Variants in UGT1A3 observed in about 807,000 individuals in gnomAD.
The protein encoded by UGT1A3 is UDP glucuronosyltransferase family 1 member A3, also known as UDP-glucuronosyltransferase 1A3.
UGT1A3 carries 31 observed loss-of-function variants against 41.0 expected under a neutral mutation model. The observed-to-expected ratio is 0.76, with a 90% CI of 0.57 to 1.02. UGT1A3 has a LOEUF of 1.02. Ranked by LOEUF, UGT1A3 falls within the 50% of genes least tolerant of loss-of-function variation. The pLI is 0.00. For synonymous variants in UGT1A3, 262 were observed against 257.6 expected (o/e 1.02, Z -0.17); for missense variants, 737 against 671.0 (o/e 1.10, Z -1.09).
intron 1 of UGT1A3, among the ~76,000 whole-genome samples, chr2:233,730,912 AG>A (rs1229657899): frequency 1.3e-5 from 2 of 152,192 alleles, no homozygotes; most frequent in East Asian, 3.9e-4. Context: ...CAAAAATTTC[AG>A]AGGCAGCTTT....
At chr2:233,744,781 G>A (rs1479146007) in intron 1 of UGT1A3, among the ~76,000 whole-genome samples, 1 of 151,856 alleles carries the variant, frequency 6.6e-6, no homozygotes, top group Non-Finnish European at 1.5e-5. Context: ...AAATTCTCCT[G>A]AAAAATTCTT....
intron 1 of UGT1A3, among the ~76,000 whole-genome samples, chr2:233,763,176 T>C (rs1474049260): frequency 6.6e-6 from 1 of 152,268 alleles, no homozygotes; most frequent in Admixed American, 6.5e-5. Context: ...GTTGACTACA[T>C]ATTTGTTGTT....
At chr2:233,766,879 G>A (rs1237814699) in intron 1 of UGT1A3, among the ~76,000 whole-genome samples, 155 bp from the exon 2 acceptor site, 1 of 152,170 alleles carries the variant, frequency 6.6e-6, no homozygotes, top group Non-Finnish European at 1.5e-5. Context: ...GGAAAATGCT[G>A]TAAAACTTAC....
Position 233,757,535 on chromosome 2 carries a change from A to AATATATATATATATATATAT in UGT1A3, c.868-9492_868-9473dup, listed in dbSNP as rs67292694. Among the ~76,000 whole-genome samples the AATATATATATATATATATAT allele has an allele frequency of 6.1e-3, 541 of 88,064 alleles. 3 individuals are homozygous for AATATATATATATATATATAT. The highest frequency in any genetic ancestry group is 0.013 in the East Asian group (47 of 3,574). The allele number at this position is 88,064 out of a possible 152,430, so 57.8% of individuals were successfully genotyped here. On this transcript the variant is annotated intron_variant, in intron 1 of 4. Coordinates refer to ENST00000482026, the MANE Select transcript of UGT1A3 (RefSeq NM_019093.4). ...CAAAGCCAAAATCTTGCCTGTAAGG[A>AATATATATATATATATATAT]ATATATATATATATATATATATATA...
chr2:233,748,947 C>T (rs900612588), intron 1 of UGT1A3, among the ~76,000 whole-genome samples: 1 of 151,662 alleles, frequency 6.6e-6, no homozygotes. Context: ...CCCACCCTAT[C>T]CCACTCCAAG....
intron 1 of UGT1A3, among the ~76,000 whole-genome samples, chr2:233,766,144 C>T (rs2126022792): frequency 6.6e-6 from 1 of 152,268 alleles, no homozygotes; most frequent in South Asian, 2.1e-4. Flanking sequence ...TCGAATCCCA[C>T]CTGGGCTTGG....
chr2:233,772,619 A>G lies in UGT1A3; in HGVS notation c.*60A>G. ...ATTCCCTAGTCATTTCCAAACTTGAAAACAGAATCAGTGTTAAATTCATTT... is the reference window on the plus strand; with the variant it reads ...ATTCCCTAGTCATTTCCAAACTTGAGAACAGAATCAGTGTTAAATTCATTT... On this transcript the variant is annotated 3_prime_UTR_variant, in exon 5 of 5. Coordinates refer to ENST00000482026, the MANE Select transcript of UGT1A3 (RefSeq NM_019093.4). The G allele has an allele frequency of 1.3e-6, 2 of 1,569,672 alleles. No homozygotes were observed. The highest frequency in any genetic ancestry group is 1.7e-6 in the Non-Finnish European group (2 of 1,156,572).
intron 1 of UGT1A3, chr2:233,747,755 C>T: frequency 6.2e-7 from 1 of 1,613,468 alleles, no homozygotes; most frequent in Non-Finnish European, 8.5e-7. Context: ...GTGATTTAGA[C>T]TTTAAGGGCA....
At position 233,729,358 on chromosome 2, in the gene UGT1A3, A is replaced by T; in HGVS notation, c.232A>T (p.Thr78Ser). 1.9e-6 allele frequency: 3 copies of T among 1,614,176 alleles called. No individual in the cohort carries two copies. Among genetic ancestry groups the T allele is most frequent in the East Asian group, 4.5e-5 (2 of 44,886 alleles). The change falls in exon 1 of 5, where the codon ACA (threonine) becomes TCA (serine). Residue 78 changes from threonine (T) to serine (S), a missense_variant. Physicochemically the swap from Thr to Ser is moderately conservative, Grantham distance 58. Coordinates refer to ENST00000482026, the MANE Select transcript of UGT1A3 (RefSeq NM_019093.4). ...CAAAGAAGAGAACTTTTTCACCCTG[A>T]CAACCTATGCCATTTCGTGGACCCA... ...HIKEENFFTL[T>S]TYAISWTQDE...
In UGT1A3 at chr2:233,767,159, T is replaced by G. The variant is rs1291449017; in HGVS notation, c.993T>G (p.Pro331=). 1.2e-6 allele frequency: 2 copies of G among 1,613,988 alleles called. No homozygotes were observed. Among genetic ancestry groups the G allele is most frequent in the East Asian group, 4.5e-5 (2 of 44,876 alleles). ...TTGCTGATGCTTTGGGCAAAATCCCTCAGACAGTAAGAAGATTCTATACCA... is the reference window on the plus strand; with the variant it reads ...TTGCTGATGCTTTGGGCAAAATCCCGCAGACAGTAAGAAGATTCTATACCA... ...MAIADALGKI[P]QTVLWRYTGT... Residue 331 remains proline (P), a synonymous_variant, in exon 2 of 5, where the codon CCT becomes CCG. Coordinates refer to ENST00000482026, the MANE Select transcript of UGT1A3 (RefSeq NM_019093.4).
intron 1 of UGT1A3, chr2:233,750,715 C>G (rs1487132434): frequency 6.6e-6 from 1 of 151,920 alleles, no homozygotes; most frequent in Non-Finnish European, 1.5e-5. Context: ...AGAGCTCAGG[C>G]CATTGCTTCA....
chr2:233,769,603 GA>G lies in UGT1A3; in HGVS notation c.1307+1165del. 1 of 1,612,818 alleles carries G rather than the reference GA, an allele frequency of 6.2e-7. No individual in the cohort carries two copies. The highest frequency in any genetic ancestry group is 1.1e-5 in the South Asian group (1 of 91,040). On this transcript the variant is annotated intron_variant, in intron 4 of 4. Transcript: ENST00000482026. This position sits in a 1 kb window ranked among gnomAD's most constrained non-coding sequence, Gnocchi z 4.4. ...CAGATGAGAGGAGACGGAACACGGG[GA>G]CACACCAGCTTGAGCAAGGGACAAC...
chr2:233,766,905 T>C, intron 1 of UGT1A3, 129 bp from the exon 2 acceptor site: 15 of 1,501,130 alleles, frequency 1.0e-5, no homozygotes, highest in Non-Finnish European at 1.2e-5. Flanking sequence ...AATAATTTTT[T>C]ACTCTATCTC....
At chr2:233,765,730 T>TAATAAA (rs1427774434) in intron 1 of UGT1A3, among the ~76,000 whole-genome samples, 195 of 150,280 alleles carry the variant, frequency 1.3e-3, no homozygotes, top group Admixed American at 3.5e-3. Context: ...ATAATAATAA[T>TAATAAA]AAATAAACCC....
chr2:233,754,758 C>T (rs1438461710), intron 1 of UGT1A3: 1 of 879,896 alleles, frequency 1.1e-6, no homozygotes, highest in Non-Finnish European at 1.7e-6. Context: ...GGAAGAAAGG[C>T]CCCCACTTCC....
chr2:233,762,816 G>T (rs28946889), intron 1 of UGT1A3, among the ~76,000 whole-genome samples: 30,774 of 150,410 alleles, frequency 0.2, 3,870 homozygotes, highest in East Asian at 0.45. Flanking sequence ...TCAAAATATT[G>T]ATTTTCATAA....
At chr2:233,763,131 T>C (rs1039292285) in intron 1 of UGT1A3, among the ~76,000 whole-genome samples, 1 of 152,268 alleles carries the variant, frequency 6.6e-6, no homozygotes, top group African/African-American at 2.4e-5. Flanking sequence ...CTGGCATTTA[T>C]TGATATAACC....
rs751408172 is a variant in UGT1A3, at chr2:233,768,227, G to C, written c.1095G>C (p.Pro365=). Residue 365 remains proline, a synonymous_variant, in exon 4 of 5, where the codon CCG becomes CCC. Coordinates refer to ENST00000482026, the MANE Select transcript of UGT1A3 (RefSeq NM_019093.4). ...CCCTATTTTGCATCTCAGGTCACCCGATGACCCGTGCCTTTATCACCCATG... is the reference window on the plus strand; with the variant it reads ...CCCTATTTTGCATCTCAGGTCACCCCATGACCCGTGCCTTTATCACCCATG... ...WLPQNDLLGH[P]MTRAFITHAG... The C allele has an allele frequency of 5.0e-6, 8 of 1,614,014 alleles. No homozygotes were observed. The African/African-American group carries it at 8.0e-5, about 16-fold the overall frequency.
At chr2:233,755,053 C>CCCTCG (rs778721180) in intron 1 of UGT1A3, 9 of 1,332,572 alleles carry the variant, frequency 6.8e-6, no homozygotes, top group Non-Finnish European at 6.1e-6. Flanking sequence ...CCGCCCTCCG[C>CCCTCG]CCTCGCCTCG....
Sources: gnomAD v4.1 joint callset for allele counts (sites outside exome capture counted in the v4.1 genomes callset) on GRCh38, gnomAD v4.1.1 for gene constraint, Gnocchi (gnomAD v3.1) non-coding constraint, MANE v1.5 for transcripts, NCBI Gene and HGNC (gene_info 2026-07-23, HGNC 2026-07-21) for gene names.